PPL: variants seen among roughly 807,000 people sequenced by gnomAD.
The protein encoded by PPL is 190 kDa paraneoplastic pemphigus antigen.
PPL carries 198 observed loss-of-function variants against 194.4 expected under a neutral mutation model. That is an observed-to-expected ratio of 1.02 (90% CI 0.91 to 1.15). The LOEUF (loss-of-function observed/expected upper bound fraction) is 1.15, where lower values mean the gene tolerates loss of function less well. Ranked by LOEUF, PPL falls within the 50% of genes most tolerant of loss-of-function variation. The probability of loss-of-function intolerance (pLI) is 0.00; values close to 1 mark genes in which losing one functional copy is unlikely to be tolerated. For synonymous variants in PPL, 1,220 were observed against 972.4 expected (o/e 1.25, Z -4.74); for missense variants, 2,885 against 2,294.8 (o/e 1.26, Z -5.25).
intron 1 of PPL, among the ~76,000 whole-genome samples, chr16:4,916,764 C>A (rs1243510165): frequency 1.3e-5 from 2 of 152,074 alleles, no homozygotes; most frequent in African/African-American, 4.8e-5. Flanking sequence ...CTCGGCCTCC[C>A]AAAATATTAG....
chr16:4,891,245 C>T (rs1217388407), intron 16 of PPL, among the ~76,000 whole-genome samples: 1 of 152,122 alleles, frequency 6.6e-6, no homozygotes, highest in Non-Finnish European at 1.5e-5. Context: ...GAATAAGGGG[C>T]CTCAGGTCAC....
At chr16:4,932,444 C>G (rs901088215) in intron 1 of PPL, among the ~76,000 whole-genome samples, 6 of 150,710 alleles carry the variant, frequency 4.0e-5, no homozygotes, top group Non-Finnish European at 7.4e-5. Flanking sequence ...GAGTCTCGCT[C>G]TGTCTCCCAG....
chr16:4,884,175 C>T lies in PPL; in HGVS notation c.4480G>A (p.Glu1494Lys), dbSNP rs1243085591. The change falls in exon 22 of 22, where the codon GAG (glutamate) becomes AAG (lysine). Residue 1494 changes from glutamate (E) to lysine (K), a missense_variant. Transcript: ENST00000345988. The surrounding 1 kb of genome is among the most constrained non-coding windows in gnomAD (Gnocchi z 5.7). The stretch of plus-strand genomic sequence containing the variant: ...GAGAGCACCACCTTCTCCTTGACCT[C>T]CGCCTTCTCCAGTGCAGCCAGTTTC... Reference protein sequence around the residue: ...RRKLAALEKAEVKEKVVLSES... With the variant: ...RRKLAALEKAKVKEKVVLSES... The T allele has an allele frequency of 6.2e-7, 1 of 1,613,854 alleles. No individual in the cohort carries two copies. The highest frequency in any genetic ancestry group is 8.5e-7 in the Non-Finnish European group (1 of 1,180,034).
intron 1 of PPL, 93 bp downstream of exon 1, chr16:4,936,889 ACC>A: frequency 2.4e-6 from 3 of 1,271,520 alleles, no homozygotes; most frequent in Non-Finnish European, 3.2e-6. Context: ...GGACCCCCGT[ACC>A]CCCCATTCCT....
In PPL at chr16:4,892,068, T is replaced by C; in HGVS notation, c.1796A>G (p.His599Arg). The stretch of plus-strand genomic sequence containing the variant: ...GGCCAAGTCCAGCAGCTGCAGGAGG[T>C]GCTCGTATTTCCGGTTGGTGTCCTC... ...RVEDTNRKYE[H>R]LLQLLDLAQE... Residue 599 changes from histidine (H) to arginine (R), a missense_variant, in exon 15 of 22, where the codon CAC becomes CGC. By Grantham distance (29) the His-to-Arg change is conservative. Transcript: ENST00000345988. The C allele has an allele frequency of 1.2e-6, 2 of 1,613,614 alleles. No individual in the cohort carries two copies. Among genetic ancestry groups the C allele is most frequent in the Middle Eastern group, 1.6e-4 (1 of 6,062 alleles).
intron 13 of PPL, 43 bp from the exon 14 acceptor site, chr16:4,893,413 A>C (rs765382417): frequency 6.3e-7 from 1 of 1,596,962 alleles, no homozygotes; most frequent in Non-Finnish European, 8.5e-7. Flanking sequence ...ACAACGGGCC[A>C]GGGGTGTGAG....
rs1456320494 is a variant in PPL at position 4,885,129 on chromosome 16, C to T, written c.3526G>A (p.Glu1176Lys). 2 of 1,613,902 alleles carry T rather than the reference C, an allele frequency of 1.2e-6. No individual in the cohort carries two copies. The highest frequency in any genetic ancestry group is 1.3e-5 in the African/African-American group (1 of 74,912). ...GCCTTGGGGTCTGGCCGCACGATCT[C>T]CCGCACCTTCTCCTGCACCACCACT... ...AKVVVQEKVR[E>K]IVRPDPKAES... Residue 1176 changes from glutamate to lysine, a missense_variant, in exon 22 of 22, where the codon GAG (glutamate) becomes AAG (lysine). Coordinates refer to ENST00000345988, the MANE Select transcript of PPL (RefSeq NM_002705.5). The surrounding 1 kb of genome is among the most constrained non-coding windows in gnomAD (Gnocchi z 6.3).
Position 4,894,473 on chromosome 16 carries a change from G to A in PPL, c.1388C>T (p.Ala463Val), listed in dbSNP as rs776021557. The change falls in exon 12 of 22, where the codon GCT (alanine) becomes GTT (valine). Residue 463 changes from alanine to valine, a missense_variant. Ala to Val is a moderately conservative substitution (Grantham distance 64). Transcript: ENST00000345988. ...PPTDPEALAL[A>V]DSLGSQYRSV... ...CCCGCCTTTGCCCTTGTACCTGTCA[G>A]CCAGAGCCAGGGCCTCAGGGTCTGT... 6.2e-6 allele frequency: 10 copies of A among 1,613,716 alleles called. No individual in the cohort carries two copies. In the African/African-American group the frequency reaches 1.2e-4, roughly 19 times the overall value.
intron 2 of PPL, among the ~76,000 whole-genome samples, chr16:4,904,401 G>C (rs983688666): frequency 6.6e-6 from 1 of 152,170 alleles, no homozygotes; most frequent in African/African-American, 2.4e-5. Flanking sequence ...AAGGCCACCA[G>C]GAAGGCCAGT....
At chr16:4,900,710 G>C (rs528643545) in intron 6 of PPL, 120 bp downstream of exon 6, 1 of 1,395,962 alleles carries the variant, frequency 7.2e-7, no homozygotes, top group East Asian at 2.3e-5. Context: ...AGTGCTAGGC[G>C]TGAGCCACCA....
At chr16:4,915,322 G>A (rs890406915) in intron 1 of PPL, among the ~76,000 whole-genome samples, 3 of 152,258 alleles carry the variant, frequency 2.0e-5, no homozygotes, top group African/African-American at 7.2e-5. Flanking sequence ...TGGGCTGCTT[G>A]CTGCTTAGAC....
rs1568018432 is a variant in PPL, at chr16:4,902,090, C to CGGAA, written c.438+315_438+316insTTCC. 6.6e-6 allele frequency among the ~76,000 whole-genome samples: 1 copy of CGGAA among 152,246 alleles called. No homozygotes were observed. The highest frequency in any genetic ancestry group is 1.9e-4 in the East Asian group (1 of 5,200). ...GACAGGCCAGAAGCCTGGCCGCTTCCGCCCCAGCCTGCCCACAAAATGTCA... is the reference window on the plus strand; with the variant it reads ...GACAGGCCAGAAGCCTGGCCGCTTCCGGAAGCCCCAGCCTGCCCACAAAATGTCA... On this transcript the variant is annotated intron_variant, in intron 4 of 21. Transcript: ENST00000345988. This position sits in a 1 kb window ranked among gnomAD's most constrained non-coding sequence, Gnocchi z 4.0.
chr16:4,921,632 A>G (rs965619535), intron 1 of PPL, among the ~76,000 whole-genome samples: 17 of 151,876 alleles, frequency 1.1e-4, no homozygotes, highest in Non-Finnish European at 1.2e-4. Context: ...ACGCCCGGCT[A>G]ATGTTTGTAT....
At chr16:4,911,932 G>A (rs549109738) in intron 1 of PPL, among the ~76,000 whole-genome samples, 1 of 152,158 alleles carries the variant, frequency 6.6e-6, no homozygotes, top group Non-Finnish European at 1.5e-5. Context: ...GAACTCCTGA[G>A]CTCAAGCAAT....
At position 4,890,325 on chromosome 16, in the gene PPL, G is replaced by T. The variant is rs556070054; in HGVS notation, c.2172C>A (p.Ser724Arg). 1 of 1,612,866 alleles carries T rather than the reference G, an allele frequency of 6.2e-7. No individual in the cohort carries two copies. The highest frequency in any genetic ancestry group is 1.7e-5 in the Admixed American group (1 of 59,958). The change falls in exon 18 of 22, where the codon AGC becomes AGA. Residue 724 changes from serine (S) to arginine (R), a missense_variant. Coordinates refer to ENST00000345988, the MANE Select transcript of PPL (RefSeq NM_002705.5). ...LRQQVERRAQ[S>R]LQSAKAAYEH... ...CGTAGGCTGCCTTGGCGCTCTGTAG[G>T]CTCTGCGCCCTGTCAAGGCAAAGCG...
At chr16:4,932,654 G>A (rs1337006577) in intron 1 of PPL, among the ~76,000 whole-genome samples, 1 of 152,100 alleles carries the variant, frequency 6.6e-6, no homozygotes, top group African/African-American at 2.4e-5. Flanking sequence ...CTGACCTCAA[G>A]TGATCCGTCC....
At position 4,902,491 on chromosome 16, in the gene PPL, C is replaced by T. The variant is rs533994660; in HGVS notation, c.353G>A (p.Arg118His). ...CCTGTAGATCTGCTTGTGTTTCCCG[C>T]GCAGGTTGGTCACACGCTCCTTCAG... ...RQLKERVTNLRGKHKQIYRLA... is the reference protein window; with the variant it reads ...RQLKERVTNLHGKHKQIYRLA... Residue 118 changes from arginine (R) to histidine (H), a missense_variant, in exon 4 of 22, where the codon CGC (arginine) becomes CAC (histidine). By Grantham distance (29) the Arg-to-His change is conservative. Transcript: ENST00000345988. This position sits in a 1 kb window ranked among gnomAD's most constrained non-coding sequence, Gnocchi z 4.0. The T allele has an allele frequency of 2.5e-5, 41 of 1,613,860 alleles. No individual in the cohort carries two copies. The highest frequency in any genetic ancestry group is 2.4e-4 in the African/African-American group (18 of 75,028).
At chr16:4,930,693 G>A (rs1023122756) in intron 1 of PPL, among the ~76,000 whole-genome samples, 1 of 152,236 alleles carries the variant, frequency 6.6e-6, no homozygotes, top group African/African-American at 2.4e-5. Context: ...CCAGCAGAGA[G>A]GTTGGGGAAG....
rs552407353 is a variant in PPL at position 4,894,498 on chromosome 16, T to C, written c.1363A>G (p.Thr455Ala). Reference protein sequence around the residue: ...APAVCFVIPPTDPEALALADS... With the variant: ...APAVCFVIPPADPEALALADS... ...GCCAGAGCCAGGGCCTCAGGGTCTG[T>C]GGGGGGGATCACAAAACACACGGCC... The change falls in exon 12 of 22, where the codon ACA (threonine) becomes GCA (alanine). Residue 455 changes from threonine to alanine, a missense_variant. Thr to Ala is a moderately conservative substitution (Grantham distance 58). Coordinates refer to ENST00000345988, the MANE Select transcript of PPL (RefSeq NM_002705.5). 2.7e-5 allele frequency: 43 copies of C among 1,613,408 alleles called. No individual in the cohort carries two copies. Among genetic ancestry groups the C allele is most frequent in the Non-Finnish European group, 3.4e-5 (40 of 1,179,902 alleles).
Sources: allele counts gnomAD v4.1 joint callset (sites outside exome capture counted in the v4.1 genomes callset), GRCh38; gene constraint gnomAD v4.1.1; non-coding constraint Gnocchi (gnomAD v3.1); transcripts MANE v1.5; gene names NCBI Gene and HGNC (gene_info 2026-07-23, HGNC 2026-07-21).